The following GRIK4 variants were observed in gnomAD, a reference collection of about 807,000 sequenced individuals.
GRIK4 encodes glutamate receptor ionotropic, kainate 4.
A neutral mutation model predicts 104.9 loss-of-function variants in GRIK4; 40 were observed. The ratio of observed to expected loss-of-function variants is 0.38; its 90% CI spans 0.30 to 0.50. The LOEUF (loss-of-function observed/expected upper bound fraction) is 0.50, where lower values mean the gene tolerates loss of function less well. Among genes scored for constraint, GRIK4 ranks in the 20% least tolerant of loss-of-function variants. The pLI, the probability that GRIK4 is intolerant of heterozygous loss-of-function variation, is 0.93. For synonymous variants in GRIK4, 485 were observed against 524.9 expected (o/e 0.92, Z 1.04); for missense variants, 1,047 against 1,308.1 (o/e 0.80, Z 3.08).
intron 8 of GRIK4, among the ~76,000 whole-genome samples, chr11:120,858,037 G>A (rs1039471870): frequency 9.9e-5 from 15 of 152,176 alleles, no homozygotes; most frequent in Admixed American, 2.0e-4. Flanking sequence ...AATGGGAGTC[G>A]ATTCCTGTTG....
intron 18 of GRIK4, among the ~76,000 whole-genome samples, chr11:120,964,793 T>C (rs1944354946): frequency 6.6e-6 from 1 of 152,192 alleles, no homozygotes; most frequent in South Asian, 2.1e-4. Flanking sequence ...ATGTGGTTAT[T>C]CCCATCCTAT....
intron 13 of GRIK4, among the ~76,000 whole-genome samples, chr11:120,922,322 TCTC>T (rs975880890): frequency 1.3e-5 from 2 of 152,116 alleles, no homozygotes; most frequent in Non-Finnish European, 2.9e-5. Flanking sequence ...GTCAGTGTGT[TCTC>T]CTGACTGCTG....
chr11:120,746,126 T>C (rs376088221), intron 3 of GRIK4, among the ~76,000 whole-genome samples: 20 of 152,340 alleles, frequency 1.3e-4, no homozygotes, highest in African/African-American at 4.8e-4. Flanking sequence ...AATAAGGTGC[T>C]TCATAAATGT....
chr11:120,780,572 A>G (rs1952134090), intron 3 of GRIK4, among the ~76,000 whole-genome samples: 1 of 152,204 alleles, frequency 6.6e-6, no homozygotes, highest in African/African-American at 2.4e-5. Context: ...TGTTGTGAAT[A>G]AGGTTGCTAT....
At position 120,903,456 on chromosome 11, in the gene GRIK4, C is replaced by T. The variant is rs35439725; in HGVS notation, c.1273-1834C>T. ...CAGGCCTCAACCTCACCCCGCCCCA[C>T]CCTGCCTCCACCCTGCACTTCCTGG... On this transcript the variant is annotated intron_variant, in intron 12 of 20. Transcript: ENST00000527524. The surrounding 1 kb of genome is among the most constrained non-coding windows in gnomAD (Gnocchi z 4.4). 2.6e-5 allele frequency among the ~76,000 whole-genome samples: 4 copies of T among 152,160 alleles called. No individual in the cohort carries two copies. Among genetic ancestry groups the T allele is most frequent in the Non-Finnish European group, 5.9e-5 (4 of 68,012 alleles).
chr11:120,901,745 G>A (rs1942743416), intron 12 of GRIK4, among the ~76,000 whole-genome samples: 1 of 152,174 alleles, frequency 6.6e-6, no homozygotes, highest in Admixed American at 6.5e-5. Context: ...TCAGAGCCGG[G>A]AATTACACCG....
chr11:120,838,262 ACT>A (rs1382889168), intron 8 of GRIK4, among the ~76,000 whole-genome samples: 3 of 152,106 alleles, frequency 2.0e-5, no homozygotes, highest in African/African-American at 7.2e-5. Context: ...AGTCGCAGTG[ACT>A]CTCTGAACCA....
chr11:120,798,818 A>G (rs995099871), intron 3 of GRIK4, among the ~76,000 whole-genome samples: 1 of 152,230 alleles, frequency 6.6e-6, no homozygotes, highest in Admixed American at 6.5e-5. Context: ...TCAAGGTCCC[A>G]TCCTAATGAC....
intron 9 of GRIK4, 27 bp from the exon 10 acceptor site, chr11:120,874,039 C>A (rs978313995): frequency 6.3e-7 from 1 of 1,588,414 alleles, no homozygotes; most frequent in Non-Finnish European, 8.6e-7. Context: ...CACTCCCTCC[C>A]TCCGCCTGCT....
At chr11:120,881,247 T>A (rs2135703732) in intron 11 of GRIK4, among the ~76,000 whole-genome samples, 1 of 152,356 alleles carries the variant, frequency 6.6e-6, no homozygotes, top group South Asian at 2.1e-4. Flanking sequence ...TGCTGGAATT[T>A]GTTTTCCAAT....
At chr11:120,864,464 T>A (rs1310879531) in intron 9 of GRIK4, among the ~76,000 whole-genome samples, 7 of 152,028 alleles carry the variant, frequency 4.6e-5, no homozygotes, top group Non-Finnish European at 1.0e-4. Context: ...AGTGTCTCGA[T>A]CTCCTGACTT....
At chr11:120,861,694 T>C (rs1954266999) in intron 8 of GRIK4, among the ~76,000 whole-genome samples, 1 of 152,154 alleles carries the variant, frequency 6.6e-6, no homozygotes, top group African/African-American at 2.4e-5. Context: ...GGCACATGGC[T>C]TTTTTCTTTC....
intron 3 of GRIK4, among the ~76,000 whole-genome samples, chr11:120,668,984 C>G (rs2000870): frequency 0.31 from 47,615 of 152,118 alleles, 8,069 homozygotes; most frequent in East Asian, 0.53. Context: ...AATAGTACTA[C>G]TGGGCCAGCC....
intron 1 of GRIK4, among the ~76,000 whole-genome samples, chr11:120,519,866 T>G (rs75622981): frequency 1.0e-5 from 1 of 96,614 alleles, no homozygotes; most frequent in African/African-American, 5.7e-5. Flanking sequence ...TCACTACTGG[T>G]TTTTTTTTTT....
intron 2 of GRIK4, among the ~76,000 whole-genome samples, chr11:120,656,760 A>G (rs939208331): frequency 6.6e-6 from 1 of 152,212 alleles, no homozygotes; most frequent in African/African-American, 2.4e-5. Context: ...AGGCTGAGGC[A>G]GGAGAATTGT....
intron 3 of GRIK4, among the ~76,000 whole-genome samples, chr11:120,784,234 C>T (rs935892207): frequency 6.6e-6 from 1 of 152,196 alleles, no homozygotes; most frequent in Non-Finnish European, 1.5e-5. Context: ...ACCCCCGTGT[C>T]CTCCTGGATA....
chr11:120,824,222 A>T (rs545453427), intron 6 of GRIK4, among the ~76,000 whole-genome samples: 115 of 152,204 alleles, frequency 7.6e-4, no homozygotes, highest in Non-Finnish European at 1.3e-3. Flanking sequence ...ATATTACATT[A>T]TTTTTCTTTA....
intron 19 of GRIK4, among the ~76,000 whole-genome samples, chr11:120,981,180 T>A (rs958786561): frequency 6.6e-6 from 1 of 152,144 alleles, no homozygotes; most frequent in Admixed American, 6.5e-5. Context: ...TGTGTTTGGG[T>A]TTCTCTAATG....
intron 1 of GRIK4, among the ~76,000 whole-genome samples, chr11:120,516,741 G>A (rs981588523): frequency 1.3e-5 from 2 of 152,174 alleles, no homozygotes; most frequent in East Asian, 1.9e-4. Context: ...TGAAGGAGCC[G>A]GAAGTGTCAG....
Sources: allele counts gnomAD v4.1 joint callset (sites outside exome capture counted in the v4.1 genomes callset), GRCh38; gene constraint gnomAD v4.1.1; non-coding constraint Gnocchi (gnomAD v3.1); transcripts MANE v1.5; gene names NCBI Gene and HGNC (gene_info 2026-07-23, HGNC 2026-07-21).